MAGI3: variants seen among roughly 807,000 people sequenced by gnomAD.
MAGI3 encodes the protein membrane associated guanylate kinase, WW and PDZ domain containing 3.
In MAGI3, 43 loss-of-function variants were observed where a neutral mutation model predicts 121.8. The observed-to-expected ratio is 0.35, with a 90% confidence interval of 0.28 to 0.46. The LOEUF (loss-of-function observed/expected upper bound fraction) is 0.46, where lower values mean the gene tolerates loss of function less well. Among genes scored for constraint, MAGI3 ranks in the 20% least tolerant of loss-of-function variants. MAGI3 has a pLI of 1.00. For synonymous variants in MAGI3, 553 were observed against 639.3 expected (o/e 0.86, Z 2.04); for missense variants, 1,547 against 1,797.3 (o/e 0.86, Z 2.52).
chr1:113,670,941 C>T (rs1401407402), intron 16 of MAGI3, among the ~76,000 whole-genome samples: 1 of 152,140 alleles, frequency 6.6e-6, no homozygotes, highest in Non-Finnish European at 1.5e-5. Flanking sequence ...ATATCCTATG[C>T]TTTTATATTT....
intron 19 of MAGI3, among the ~76,000 whole-genome samples, chr1:113,676,724 C>T (rs1263076356): frequency 6.6e-6 from 1 of 152,106 alleles, no homozygotes; most frequent in Non-Finnish European, 1.5e-5. Flanking sequence ...CTGACACTCG[C>T]ACCACGGAGC....
intron 20 of MAGI3, chr1:113,682,572 T>A: frequency 8.2e-7 from 1 of 1,218,684 alleles, no homozygotes; most frequent in Middle Eastern, 3.3e-4. Flanking sequence ...GCCACGTAAT[T>A]TGGTTCAGCT....
At chr1:113,395,247 A>G (rs1455986987) in intron 1 of MAGI3, among the ~76,000 whole-genome samples, 4 of 151,610 alleles carry the variant, frequency 2.6e-5, no homozygotes, top group Non-Finnish European at 5.9e-5. Context: ...TACCTTTTTT[A>G]AAACAAGAAA....
intron 1 of MAGI3, among the ~76,000 whole-genome samples, chr1:113,535,763 A>G (rs1658947243): frequency 2.6e-5 from 4 of 152,110 alleles, no homozygotes; most frequent in Admixed American, 2.6e-4. Flanking sequence ...TCTGTGAGGT[A>G]AAGTCTTCCA....
chr1:113,665,338 G>A (rs1653988054), intron 16 of MAGI3, among the ~76,000 whole-genome samples: 1 of 151,770 alleles, frequency 6.6e-6, no homozygotes, highest in Non-Finnish European at 1.5e-5. Context: ...TGTTCTATTA[G>A]TTTATTTGTT....
chr1:113,444,835 C>T (rs1237965812), intron 1 of MAGI3, among the ~76,000 whole-genome samples: 2 of 152,088 alleles, frequency 1.3e-5, no homozygotes, highest in African/African-American at 4.8e-5. Flanking sequence ...GCTTAGGGAA[C>T]TAAAGGAAGA....
chr1:113,395,116 T>A (rs1190920415), intron 1 of MAGI3, among the ~76,000 whole-genome samples: 75 of 90,562 alleles, frequency 8.3e-4, no homozygotes, highest in African/African-American at 3.2e-3. Flanking sequence ...TTTTTTTTTT[T>A]AGTGGGATAT....
intron 6 of MAGI3, among the ~76,000 whole-genome samples, chr1:113,595,686 A>G (rs1648954636): frequency 6.6e-6 from 1 of 152,198 alleles, no homozygotes; most frequent in Non-Finnish European, 1.5e-5. Context: ...CTTCTGAACA[A>G]TGTGCAAGTT....
intron 8 of MAGI3, 61 bp from the exon 9 acceptor site, chr1:113,622,745 C>G (rs1031331656): frequency 2.1e-4 from 276 of 1,298,920 alleles, no homozygotes; most frequent in Middle Eastern, 5.5e-4. Flanking sequence ...AAGATTGACT[C>G]TGAGTGCTAT....
intron 1 of MAGI3, among the ~76,000 whole-genome samples, chr1:113,414,814 A>T (rs976331546): frequency 3.3e-5 from 5 of 152,020 alleles, no homozygotes; most frequent in Admixed American, 1.3e-4. Context: ...TTAATAATAA[A>T]ACTGTTTGGT....
At chr1:113,680,443 G>A (rs1348461985) in intron 19 of MAGI3, among the ~76,000 whole-genome samples, 2 of 152,076 alleles carry the variant, frequency 1.3e-5, no homozygotes, top group Non-Finnish European at 2.9e-5. Flanking sequence ...TACACAGCAA[G>A]TGCCCAGGTT....
At position 113,422,976 on chromosome 1, in the gene MAGI3, G is replaced by C. The variant is rs947608785; in HGVS notation, c.316+31627G>C. 6.6e-6 allele frequency among the ~76,000 whole-genome samples: 1 copy of C among 152,082 alleles called. No homozygotes were observed. The highest frequency in any genetic ancestry group is 2.4e-5 in the African/African-American group (1 of 41,418). ...TCCTGAGGTCTGGGCCCCCAGAAGG[G>C]TTGCCACCCTTCACTTCTGCAGTCT... On this transcript the variant is annotated intron_variant, in intron 1 of 20. Coordinates refer to ENST00000307546, the MANE Select transcript of MAGI3 (RefSeq NM_001142782.2). The surrounding 1 kb of genome is among the most constrained non-coding windows in gnomAD (Gnocchi z 4.3).
At chr1:113,574,508 T>A (rs1467151362) in intron 2 of MAGI3, among the ~76,000 whole-genome samples, 3 of 152,162 alleles carry the variant, frequency 2.0e-5, no homozygotes, top group Non-Finnish European at 4.4e-5. Flanking sequence ...GAATGTTGAA[T>A]ATTGGTCGCC....
intron 1 of MAGI3, among the ~76,000 whole-genome samples, chr1:113,451,404 A>T (rs7533429): frequency 0.062 from 9,448 of 152,238 alleles, 318 homozygotes; most frequent in Non-Finnish European, 0.074. Context: ...GAAAATAATC[A>T]AAACTGTGCA....
intron 1 of MAGI3, among the ~76,000 whole-genome samples, chr1:113,504,176 G>A (rs1657194580): frequency 6.6e-6 from 1 of 152,006 alleles, no homozygotes; most frequent in African/African-American, 2.4e-5. Context: ...AGGGGACCCT[G>A]TTGATTAAAC....
At chr1:113,420,109 G>A (rs758531988) in intron 1 of MAGI3, among the ~76,000 whole-genome samples, 6 of 152,224 alleles carry the variant, frequency 3.9e-5, no homozygotes, top group Non-Finnish European at 8.8e-5. Context: ...TCAGCTGTAA[G>A]GATGGAGTGG....
intron 20 of MAGI3, 98 bp from the exon 21 acceptor site, chr1:113,682,799 C>T: frequency 3.5e-6 from 5 of 1,448,402 alleles, no homozygotes; most frequent in Non-Finnish European, 4.5e-6. Flanking sequence ...GCTTTTTAAG[C>T]AGTTACGACA....
chr1:113,641,963 A>C lies in MAGI3; in HGVS notation c.1413A>C (p.Ala471=), dbSNP rs753755302. Residue 471 remains alanine (A), a synonymous_variant, in exon 10 of 21, where the codon GCA becomes GCC. Transcript: ENST00000307546. The part of the protein sequence containing the change: ...NGNCVLGHTH[A]DVVQMFQLVP... ...ACTGTGTCCTCGGTCACACTCATGC[A>C]GATGTTGTCCAGATGTTTCAATTGG... The C allele has an allele frequency of 6.2e-7, 1 of 1,611,412 alleles. No homozygotes were observed. Among genetic ancestry groups the C allele is most frequent in the Admixed American group, 1.7e-5 (1 of 59,978 alleles).
Position 113,400,529 on chromosome 1 carries a change from C to T in MAGI3, c.316+9180C>T, listed in dbSNP as rs1428485976. On this transcript the variant is annotated intron_variant, in intron 1 of 20. Coordinates refer to ENST00000307546, the MANE Select transcript of MAGI3 (RefSeq NM_001142782.2). ...GTATTGTTAGATTAGTTTGGGCACC[C>T]TTCGGATGACTTTAGACCATATTTG... is the stretch of plus-strand genomic sequence containing the variant. Among the ~76,000 whole-genome samples, 6 of 152,206 alleles carry T rather than the reference C, an allele frequency of 3.9e-5. No individual in the cohort carries two copies. The South Asian group carries it at 8.3e-4, about 21-fold the overall frequency.
Sources: gnomAD v4.1 joint callset for allele counts (sites outside exome capture counted in the v4.1 genomes callset) on GRCh38, gnomAD v4.1.1 for gene constraint, Gnocchi (gnomAD v3.1) non-coding constraint, MANE v1.5 for transcripts, NCBI Gene and HGNC (gene_info 2026-07-23, HGNC 2026-07-21) for gene names.